ARHGAP45: variants seen among roughly 807,000 people sequenced by gnomAD.
ARHGAP45 encodes the protein Rho GTPase activating protein 45.
Under a neutral mutation model 116.1 loss-of-function variants are expected in ARHGAP45, and 56 were observed. That is an observed-to-expected ratio of 0.48 (90% CI 0.39 to 0.60). ARHGAP45 has a LOEUF of 0.60. Ranked by LOEUF, ARHGAP45 falls within the 20% of genes least tolerant of loss-of-function variation. The pLI is 0.00. For missense variants in ARHGAP45, 1,622 were observed against 1,601.0 expected, an observed-to-expected ratio of 1.01 and a Z score of -0.22; for synonymous variants, 866 against 701.7, an observed-to-expected ratio of 1.23 and a Z score of -3.70.
At chr19:1,067,811 T>A (rs1005847401) in intron 1 of ARHGAP45, 7 of 606,664 alleles carry the variant, frequency 1.2e-5, no homozygotes, top group Admixed American at 2.7e-5. Context: ...GCTTAGGCAA[T>A]CTGGGGGCTC....
rs1759127530 is a variant in ARHGAP45, at chr19:1,081,654, C to G, written c.2295C>G (p.His765Gln). ...RLQLFGQDFS[H>Q]AARSAPDGVP... ...AGCTGTTCGGCCAGGACTTCAGCCACGCGGCCCGCAGCGCCCCCGACGGCG... is the reference window on the plus strand; with the variant it reads ...AGCTGTTCGGCCAGGACTTCAGCCAGGCGGCCCGCAGCGCCCCCGACGGCG... Residue 765 changes from histidine (H) to glutamine (Q), a missense_variant, in exon 18 of 23, where the codon CAC (histidine) becomes CAG (glutamine). This residue lies in a region of ARHGAP45 where 1,334 missense variants were observed against 1,263.8 expected (regional missense o/e 1.06). Coordinates refer to ENST00000313093, the MANE Select transcript of ARHGAP45 (RefSeq NM_012292.5). 1.3e-6 allele frequency: 2 copies of G among 1,582,426 alleles called. No individual in the cohort carries two copies. The highest frequency in any genetic ancestry group is 1.1e-5 in the South Asian group (1 of 87,430).
At chr19:1,075,808 A>G (rs1316012439) in intron 10 of ARHGAP45, among the ~76,000 whole-genome samples, 2 of 151,984 alleles carry the variant, frequency 1.3e-5, no homozygotes, top group Admixed American at 6.6e-5. Flanking sequence ...TATACTCACT[A>G]TGTTGCCCAG....
At chr19:1,078,699 G>A (rs2043339216) in intron 11 of ARHGAP45, among the ~76,000 whole-genome samples, 1 of 150,148 alleles carries the variant, frequency 6.7e-6, no homozygotes, top group South Asian at 2.1e-4. Flanking sequence ...ATGAGCCACC[G>A]CGCCCGGCCC....
rs1371398651 is a variant in ARHGAP45, at chr19:1,078,016, C to T, written c.1345C>T (p.Arg449Trp). ...STATKTLDKR[R>W]RLEEEAKNKA... Reference sequence around the variant, plus strand: ...GGCCACCAAGACCCTGGACAAGCGGCGGCGGCTGGAGGAGGAGGCCAAGAA... The same window carrying T: ...GGCCACCAAGACCCTGGACAAGCGGTGGCGGCTGGAGGAGGAGGCCAAGAA... Residue 449 changes from arginine to tryptophan, a missense_variant, in exon 11 of 23, where the codon CGG (arginine) becomes TGG (tryptophan). This residue lies in a region of ARHGAP45 where 1,334 missense variants were observed against 1,263.8 expected (regional missense o/e 1.06). Transcript: ENST00000313093. The T allele has an allele frequency of 2.6e-6, 4 of 1,553,214 alleles. No homozygotes were observed. The highest frequency in any genetic ancestry group is 3.5e-6 in the Non-Finnish European group (4 of 1,146,752).
intron 17 of ARHGAP45, 193 bp from the exon 18 acceptor site, chr19:1,081,357 C>T: frequency 1.5e-6 from 1 of 661,018 alleles, no homozygotes; most frequent in Non-Finnish European, 2.5e-6. Flanking sequence ...AACCAAGGGG[C>T]GGGAAGGAGA....
At position 1,067,627 on chromosome 19, in the gene ARHGAP45, C is replaced by G. The variant is rs571176904; in HGVS notation, c.90+132C>G. On this transcript the variant is annotated intron_variant, in intron 1 of 22. Coordinates refer to ENST00000313093, the MANE Select transcript of ARHGAP45 (RefSeq NM_012292.5). ...CAGCTACAGCCCCTACCGGGCGGGA[C>G]GGCAGGGGCCACAGCAGAGAGGCCG... The G allele has an allele frequency of 1.4e-4, 126 of 883,390 alleles. No individual in the cohort carries two copies. In the African/African-American group the frequency reaches 1.9e-3, roughly 13 times the overall value. 54.7% of individuals were successfully genotyped at this position (883,390 alleles called of 1,614,324 possible). A position where few individuals can be genotyped will look rare whatever the true frequency, so the allele number is the denominator to read the frequency against.
At position 1,085,599 on chromosome 19, in the gene ARHGAP45, C is replaced by T. The variant is rs543346045; in HGVS notation, c.3065-61C>T. The T allele has an allele frequency of 2.0e-5, 25 of 1,272,244 alleles. No homozygotes were observed. In the African/African-American group the frequency reaches 2.6e-4, roughly 13 times the overall value. 78.8% of individuals were successfully genotyped at this position (1,272,244 alleles called of 1,614,324 possible). ...TCCCCATCTCTCCTGTCTGTCCCTC[C>T]CCTTGTCTCTCCTCCATCTCTCCTG... On this transcript the variant is annotated intron_variant, in intron 22 of 22. Coordinates refer to ENST00000313093, the MANE Select transcript of ARHGAP45 (RefSeq NM_012292.5).
Position 1,071,571 on chromosome 19 carries a change from C to CG in ARHGAP45, c.422-1577dup. 1 of 200,742 alleles carries CG rather than the reference C, an allele frequency of 5.0e-6. No homozygotes were observed. The highest frequency in any genetic ancestry group is 8.9e-6 in the Non-Finnish European group (1 of 111,790). The allele number at this position is 200,742 out of a possible 1,614,324, so 12.4% of individuals were successfully genotyped here. A position where few individuals can be genotyped will look rare whatever the true frequency, so the allele number is the denominator to read the frequency against. On this transcript the variant is annotated intron_variant, in intron 2 of 22. Coordinates refer to ENST00000313093, the MANE Select transcript of ARHGAP45 (RefSeq NM_012292.5). The surrounding 1 kb of genome is among the most constrained non-coding windows in gnomAD (Gnocchi z 4.6). ...GACAGCCGGGGGTCCGTGCGCCGGC[C>CG]GCGCGCGGAGTGCCGGGTGCCCGGC...
At position 1,073,166 on chromosome 19, in the gene ARHGAP45, C is replaced by T. The variant is rs776592357; in HGVS notation, c.439C>T (p.Arg147Cys). Residue 147 changes from arginine to cysteine, a missense_variant, in exon 3 of 23, where the codon CGC (arginine) becomes TGC (cysteine). Arg to Cys is a radical substitution (Grantham distance 180). This residue lies in a region of ARHGAP45 where 279 missense variants were observed against 311.9 expected (regional missense o/e 0.89). Coordinates refer to ENST00000313093, the MANE Select transcript of ARHGAP45 (RefSeq NM_012292.5). ...CCCAGCAGACCTCCTTGAGGCCCGCCGCCCGCGGGCCCACGAGTGCCTGGG... is the reference window on the plus strand; with the variant it reads ...CCCAGCAGACCTCCTTGAGGCCCGCTGCCCGCGGGCCCACGAGTGCCTGGG... ...VLRDDLLEAR[R>C]PRAHECLGEA... The T allele has an allele frequency of 8.1e-6, 13 of 1,608,766 alleles. No homozygotes were observed. The highest frequency in any genetic ancestry group is 2.2e-5 in the East Asian group (1 of 44,872).
At chr19:1,079,548 A>C (rs1276737600) in intron 11 of ARHGAP45, among the ~76,000 whole-genome samples, 155 bp from the exon 12 acceptor site, 2 of 149,304 alleles carry the variant, frequency 1.3e-5, no homozygotes, top group African/African-American at 2.5e-5. Flanking sequence ...CATGTTGCTC[A>C]GGCTGGTCTC....
rs942107513 is a variant in ARHGAP45 at position 1,067,227 on chromosome 19, C to T, written c.-179C>T. ...CGGGGGCGAGGCCGCGTCGCCGCCT[C>T]CCCGAAGCCTTTTCCTGTTGGGGGG... On this transcript the variant is annotated 5_prime_UTR_variant, in exon 1 of 23. Coordinates refer to ENST00000313093, the MANE Select transcript of ARHGAP45 (RefSeq NM_012292.5). 6 of 1,353,108 alleles carry T rather than the reference C, an allele frequency of 4.4e-6. No individual in the cohort carries two copies. The highest frequency in any genetic ancestry group is 5.7e-6 in the Non-Finnish European group (6 of 1,059,750). 83.8% of individuals were successfully genotyped at this position (1,353,108 alleles called of 1,614,324 possible). A position where few individuals can be genotyped will look rare whatever the true frequency, so the allele number is the denominator to read the frequency against.
chr19:1,076,481 G>GTTTTTTTTTTTTTTTTTTTTTTTTTTTTT (rs1568464614), intron 10 of ARHGAP45, among the ~76,000 whole-genome samples: 5 of 104,170 alleles, frequency 4.8e-5, no homozygotes, highest in African/African-American at 1.6e-4. Context: ...GTTGGCAGTA[G>GTTTTTTTTTTTTTTTTTTTTTTTTTTTTT]TCTTTTTTTT....
intron 10 of ARHGAP45, among the ~76,000 whole-genome samples, chr19:1,075,491 C>G (rs995271359): frequency 6.6e-6 from 1 of 151,984 alleles, no homozygotes; most frequent in Non-Finnish European, 1.5e-5. Flanking sequence ...GTGATCCACC[C>G]GCGTCGGCCT....
At chr19:1,076,707 G>A (rs2043258338) in intron 10 of ARHGAP45, among the ~76,000 whole-genome samples, 1 of 151,918 alleles carries the variant, frequency 6.6e-6, no homozygotes, top group African/African-American at 2.4e-5. Flanking sequence ...ACCTTGGCCA[G>A]GCTGGTCTCG....
At position 1,073,895 on chromosome 19, in the gene ARHGAP45, C is replaced by G. The variant is rs147238975; in HGVS notation, c.724-53C>G. The G allele has an allele frequency of 4.9e-4, 746 of 1,529,822 alleles. 4 individuals are homozygous for G. In the African/African-American group the frequency reaches 8.9e-3, roughly 18 times the overall value. The allele number at this position is 1,529,822 out of a possible 1,614,324, so 94.8% of individuals were successfully genotyped here. On this transcript the variant is annotated intron_variant, in intron 5 of 22. Coordinates refer to ENST00000313093, the MANE Select transcript of ARHGAP45 (RefSeq NM_012292.5). ...CAGCAACCGTCCCCTGAAGGGTGGG[C>G]ACTGCCCAGGGCCCCGCATGGGGCT...
At position 1,074,678 on chromosome 19, in the gene ARHGAP45, G is replaced by A; in HGVS notation, c.1058G>A (p.Ser353Asn). ...ALEQDLEFGH[S>N]MVQAVGTLQT... is the part of the protein sequence containing the mutation. ...GAGCAGGACCTGGAGTTCGGCCACA[G>A]CATGGTGCAGGCGGTGGGCACCTTG... The change falls in exon 9 of 23, where the codon AGC (serine) becomes AAC (asparagine). Residue 353 changes from serine (S) to asparagine (N), a missense_variant. Transcript: ENST00000313093. The A allele has an allele frequency of 6.2e-7, 1 of 1,611,198 alleles. No homozygotes were observed. Among genetic ancestry groups the A allele is most frequent in the South Asian group, 1.1e-5 (1 of 90,718 alleles).
chr19:1,081,425 G>C, intron 17 of ARHGAP45, 125 bp from the exon 18 acceptor site: 10 of 1,021,180 alleles, frequency 9.8e-6, no homozygotes, highest in Non-Finnish European at 1.4e-5. Flanking sequence ...CCACTGTCCA[G>C]CTTGTGTTTG....
rs751416873 is a variant in ARHGAP45 at position 1,085,794 on chromosome 19, G to C, written c.3199G>C (p.Ala1067Pro). 5 of 1,612,812 alleles carry C rather than the reference G, an allele frequency of 3.1e-6. No individual in the cohort carries two copies. The highest frequency in any genetic ancestry group is 4.2e-6 in the Non-Finnish European group (5 of 1,179,894). The change falls in exon 23 of 23, where the codon GCT (alanine) becomes CCT (proline). Residue 1067 changes from alanine (A) to proline (P), a missense_variant. By Grantham distance (27) the Ala-to-Pro change is conservative. Transcript: ENST00000313093. ...QQQSEASLEV[A>P]SGSHSGSEEQ... is the part of the protein sequence containing the mutation. The stretch of plus-strand genomic sequence containing the variant: ...GCAGAGCGAGGCCAGCCTAGAGGTG[G>C]CTTCTGGCAGCCACAGCGGCAGTGA...
chr19:1,082,665 G>T (rs1030154832), intron 19 of ARHGAP45, 175 bp from the exon 20 acceptor site: 3 of 589,922 alleles, frequency 5.1e-6, no homozygotes, highest in Admixed American at 3.5e-5. Context: ...CGGGTAGGAG[G>T]GGCAGGGCTC....
Sources: allele counts gnomAD v4.1 joint callset (sites outside exome capture counted in the v4.1 genomes callset), GRCh38; gene constraint gnomAD v4.1.1; regional missense constraint gnomAD v4.1.1; non-coding constraint Gnocchi (gnomAD v3.1); transcripts MANE v1.5; gene names NCBI Gene and HGNC (gene_info 2026-07-23, HGNC 2026-07-21).